Variants in TENM3 observed in about 807,000 individuals in gnomAD.
The protein encoded by TENM3 is teneurin-3.
A neutral mutation model predicts 255.1 loss-of-function variants in TENM3; 63 were observed. That is an observed-to-expected ratio of 0.25 (90% CI 0.20 to 0.30). The LOEUF is 0.30. Among genes scored for constraint, TENM3 ranks in the 10% least tolerant of loss-of-function variants. TENM3 has a pLI of 1.00. For missense variants in TENM3, 2,929 were observed against 3,461.1 expected (o/e 0.85, Z 3.86); for synonymous variants, 1,306 against 1,322.3 (o/e 0.99, Z 0.27).
chr4:182,088,087 T>A, the TENM3 span, among the ~76,000 whole-genome samples: 1 of 152,226 alleles, frequency 6.6e-6, no homozygotes, highest in Admixed American at 6.5e-5. Context: ...TAAGAAGACA[T>A]GTATCTTAAG....
At chr4:182,411,168 C>A (rs528030467) in intron 3 of TENM3, among the ~76,000 whole-genome samples, 2 of 152,328 alleles carry the variant, frequency 1.3e-5, no homozygotes, top group East Asian at 3.9e-4. Context: ...CTCACAGCTT[C>A]CTTCACTCTC....
chr4:182,504,659 A>G (rs759697519), intron 3 of TENM3, among the ~76,000 whole-genome samples: 11 of 152,310 alleles, frequency 7.2e-5, no homozygotes, highest in Non-Finnish European at 1.5e-4. Context: ...AGCATTTTCT[A>G]TTACTGAATA....
the TENM3 span, chr4:181,906,123 G>A: frequency 3.3e-6 from 1 of 304,888 alleles, no homozygotes; most frequent in East Asian, 1.0e-4. Flanking sequence ...GGCAGGCAGG[G>A]CAATTTGGGA....
At chr4:182,448,845 G>A (rs1223136983) in intron 3 of TENM3, among the ~76,000 whole-genome samples, 1 of 151,262 alleles carries the variant, frequency 6.6e-6, no homozygotes, top group Non-Finnish European at 1.5e-5. Flanking sequence ...CCGAGCCGGG[G>A]CGCTGGGCGC....
intron 3 of TENM3, among the ~76,000 whole-genome samples, chr4:182,453,026 G>GTATATA (rs10531343): frequency 1.3e-5 from 2 of 150,364 alleles, no homozygotes; most frequent in Admixed American, 6.6e-5. Context: ...TTTTATATGT[G>GTATATA]TATATATATA....
intron 3 of TENM3, among the ~76,000 whole-genome samples, chr4:182,479,282 A>T (rs1733966915): frequency 6.6e-6 from 1 of 151,952 alleles, no homozygotes. Context: ...TAATTTATTT[A>T]GTTCTGTGAT....
chr4:182,581,612 C>CTAT (rs1745504630), intron 3 of TENM3, among the ~76,000 whole-genome samples: 1 of 152,048 alleles, frequency 6.6e-6, no homozygotes, highest in Non-Finnish European at 1.5e-5. Context: ...TGGTGAGTGC[C>CTAT]TATAATCCCA....
chr4:181,589,532 A>G, the TENM3 span, among the ~76,000 whole-genome samples: 5 of 152,312 alleles, frequency 3.3e-5, no homozygotes, highest in African/African-American at 1.2e-4. Context: ...TGTAAAAAGG[A>G]AGGAAAGACT....
intron 1 of TENM3, among the ~76,000 whole-genome samples, chr4:182,246,983 C>T (rs550200504): frequency 2.0e-5 from 3 of 152,308 alleles, no homozygotes; most frequent in Non-Finnish European, 2.9e-5. Flanking sequence ...GCGATGCCCA[C>T]ATCGAAGCTC....
At chr4:181,625,628 C>T in the TENM3 span, among the ~76,000 whole-genome samples, 2 of 152,028 alleles carry the variant, frequency 1.3e-5, no homozygotes, top group Admixed American at 6.6e-5. Flanking sequence ...CTGGCTAACA[C>T]GATGAAACCC....
chr4:181,757,033 T>C, the TENM3 span, among the ~76,000 whole-genome samples: 1 of 152,210 alleles, frequency 6.6e-6, no homozygotes, highest in South Asian at 2.1e-4. Context: ...CCAATTATGT[T>C]GCTGTAAGAA....
chr4:182,714,315 CAAAAAAAAAAAA>C (rs374337174), intron 13 of TENM3, 82 bp downstream of exon 13: 4 of 140,958 alleles, frequency 2.8e-5, no homozygotes, highest in Non-Finnish European at 5.1e-5. Flanking sequence ...TATCTGTTGC[CAAAAAAAAAAAA>C]AAAAAAAAAA....
intron 13 of TENM3, among the ~76,000 whole-genome samples, chr4:182,724,664 A>C (rs1760023698): frequency 1.3e-5 from 2 of 152,218 alleles, no homozygotes; most frequent in African/African-American, 4.8e-5. Context: ...TGAATGACTA[A>C]ATTTGAGCAT....
chr4:182,632,775 A>G (rs2152477784), intron 5 of TENM3, among the ~76,000 whole-genome samples: 1 of 152,268 alleles, frequency 6.6e-6, no homozygotes, highest in East Asian at 1.9e-4. Flanking sequence ...CTTTCAAGAC[A>G]TACCTGTAAA....
chr4:181,834,606 G>A, the TENM3 span, among the ~76,000 whole-genome samples: 1 of 152,210 alleles, frequency 6.6e-6, no homozygotes, highest in Non-Finnish European at 1.5e-5. Flanking sequence ...TGGGCATGGG[G>A]CGGGGGAAGC....
chr4:181,534,754 G>A, the TENM3 span, among the ~76,000 whole-genome samples: 329 of 152,212 alleles, frequency 2.2e-3, 3 homozygotes, highest in African/African-American at 7.4e-3. Context: ...TCCACCCGCC[G>A]TTCACTGTTT....
chr4:182,012,085 G>T, the TENM3 span, among the ~76,000 whole-genome samples: 1 of 152,166 alleles, frequency 6.6e-6, no homozygotes, highest in Non-Finnish European at 1.5e-5. Context: ...CTTCATGTCA[G>T]CCAATTAAGG....
At chr4:181,560,717 T>C in the TENM3 span, among the ~76,000 whole-genome samples, 3 of 152,158 alleles carry the variant, frequency 2.0e-5, no homozygotes, top group Non-Finnish European at 4.4e-5. Flanking sequence ...GCTGCATGAC[T>C]CTACCCGTGA....
chr4:181,699,379 G>A, the TENM3 span, among the ~76,000 whole-genome samples: 1 of 128,072 alleles, frequency 7.8e-6, no homozygotes, highest in African/African-American at 2.9e-5. Flanking sequence ...GGAGTTCCAG[G>A]CTTCAGTGTG....
Sources: allele counts gnomAD v4.1 joint callset (sites outside exome capture counted in the v4.1 genomes callset), GRCh38; gene constraint gnomAD v4.1.1; transcripts MANE v1.5; gene names NCBI Gene and HGNC (gene_info 2026-07-23, HGNC 2026-07-21).